DENND2A: variants seen among roughly 807,000 people sequenced by gnomAD.
DENND2A encodes the protein DENN domain-containing protein 2A.
A neutral mutation model predicts 105.3 loss-of-function variants in DENND2A; 53 were observed. That is an observed-to-expected ratio of 0.50 (90% CI 0.40 to 0.63). The LOEUF (loss-of-function observed/expected upper bound fraction) is 0.63, where lower values mean the gene tolerates loss of function less well. Among genes scored for constraint, DENND2A ranks in the 30% least tolerant of loss-of-function variants. The pLI is 0.00. For missense variants in DENND2A, 1,138 were observed against 1,279.6 expected (o/e 0.89, Z 1.69); for synonymous variants, 522 against 508.4 (o/e 1.03, Z -0.36).
At chr7:140,560,280 T>G (rs1797561474) in intron 9 of DENND2A, among the ~76,000 whole-genome samples, 1 of 152,128 alleles carries the variant, frequency 6.6e-6, no homozygotes, top group Admixed American at 6.6e-5. Context: ...GAAATTCAAC[T>G]AATTTCAGAC....
chr7:140,638,750 C>T (rs1280763964), intron 1 of DENND2A, among the ~76,000 whole-genome samples: 3 of 152,206 alleles, frequency 2.0e-5, no homozygotes, highest in Non-Finnish European at 4.4e-5. Context: ...AACAACCTTC[C>T]CTGCTGTTTC....
chr7:140,543,241 C>T (rs1796748641), intron 14 of DENND2A, among the ~76,000 whole-genome samples: 1 of 151,076 alleles, frequency 6.6e-6, no homozygotes, highest in Non-Finnish European at 1.5e-5. Flanking sequence ...ACCTCAGCTT[C>T]CCTAGTAGCA....
intron 9 of DENND2A, among the ~76,000 whole-genome samples, chr7:140,560,370 C>T (rs547522091): frequency 5.3e-4 from 81 of 152,192 alleles, no homozygotes; most frequent in African/African-American, 1.9e-3. Context: ...GGAAATAAGC[C>T]CCGAGGTGTG....
chr7:140,629,533 G>A (rs546617202), intron 1 of DENND2A, among the ~76,000 whole-genome samples: 3 of 152,306 alleles, frequency 2.0e-5, no homozygotes, highest in East Asian at 3.9e-4. Flanking sequence ...TAGATGTTGG[G>A]ATGTTCTGAA....
rs1220751488 is a variant in DENND2A at position 140,527,259 on chromosome 7, C to T, written c.2505+59G>A. On this transcript the variant is annotated intron_variant, in intron 15 of 19. Transcript: ENST00000496613. The surrounding 1 kb of genome is among the most constrained non-coding windows in gnomAD (Gnocchi z 4.9). ...CGCTCCATGATGCCTGCAGAGCCAG[C>T]GCCCCGCTCTGTTCTCCGCACCCTG... The T allele has an allele frequency of 4.8e-6, 7 of 1,464,128 alleles. No homozygotes were observed. Among genetic ancestry groups the T allele is most frequent in the Admixed American group, 2.3e-5 (1 of 43,294 alleles). The allele number at this position is 1,464,128 out of a possible 1,614,324, so 90.7% of individuals were successfully genotyped here.
At chr7:140,599,182 C>T (rs960449708) in intron 3 of DENND2A, among the ~76,000 whole-genome samples, 10 of 151,876 alleles carry the variant, frequency 6.6e-5, no homozygotes, top group African/African-American at 2.4e-4. Flanking sequence ...ACTAAAAATA[C>T]AAAAAATTAG....
rs142592854 is a variant in DENND2A, at chr7:140,559,925, C to G, written c.1780-108G>C. 1.2e-6 allele frequency: 1 copy of G among 813,998 alleles called. No homozygotes were observed. Among genetic ancestry groups the G allele is most frequent in the Non-Finnish European group, 2.1e-6 (1 of 480,026 alleles). 50.4% of individuals were successfully genotyped at this position (813,998 alleles called of 1,614,324 possible). On this transcript the variant is annotated intron_variant, in intron 9 of 19. Transcript: ENST00000496613. This position sits in a 1 kb window ranked among gnomAD's most constrained non-coding sequence, Gnocchi z 4.1. ...CCCACCTTTCCACATTTGTGACTGC[C>G]GCCTTAGCCTCTTCCCTTGGGAAGA...
chr7:140,632,183 C>A (rs190377661), intron 1 of DENND2A, among the ~76,000 whole-genome samples: 3 of 152,282 alleles, frequency 2.0e-5, no homozygotes, highest in Admixed American at 1.3e-4. Flanking sequence ...TGTTTTAATG[C>A]TTCAAAGTTT....
chr7:140,556,497 C>T (rs1797368578), intron 11 of DENND2A, among the ~76,000 whole-genome samples: 1 of 151,604 alleles, frequency 6.6e-6, no homozygotes, highest in Admixed American at 6.6e-5. Context: ...TGCCACCACG[C>T]CCAGCTATTT....
chr7:140,531,883 G>A (rs1303172811), intron 14 of DENND2A, among the ~76,000 whole-genome samples: 1 of 151,586 alleles, frequency 6.6e-6, no homozygotes, highest in African/African-American at 2.4e-5. Context: ...CGGGTGGGAA[G>A]GCATACCCTG....
chr7:140,602,286 T>C lies in DENND2A; in HGVS notation c.112A>G (p.Arg38Gly). 6.2e-7 allele frequency: 1 copy of C among 1,610,512 alleles called. No individual in the cohort carries two copies. The highest frequency in any genetic ancestry group is 8.5e-7 in the Non-Finnish European group (1 of 1,180,014). The stretch of plus-strand genomic sequence containing the variant: ...ATGTTGAGGGACTTGTGCCGGGGTC[T>C]GGCTCTGGCAGATGGGCAAGGGTTC... ...VQNPCPSARARPRHKSLNIKD... is the reference protein window; with the variant it reads ...VQNPCPSARAGPRHKSLNIKD... The change falls in exon 3 of 20, where the codon AGA (arginine) becomes GGA (glycine). Residue 38 changes from arginine to glycine, a missense_variant. Around this residue, in one of 2 missense-constraint regions of DENND2A, gnomAD observed 511 missense variants for 499.9 expected, o/e 1.02. Coordinates refer to ENST00000496613, the MANE Select transcript of DENND2A (RefSeq NM_015689.5).
Position 140,527,344 on chromosome 7 carries a change from G to A in DENND2A, c.2479C>T (p.Leu827=), listed in dbSNP as rs371061412. 565 of 1,595,608 alleles carry A rather than the reference G, an allele frequency of 3.5e-4. 1 individual carries two copies. The African/African-American group carries it at 6.5e-3, about 18-fold the overall frequency. The change falls in exon 15 of 20, where the codon CTG becomes TTG. Residue 827 remains leucine, a synonymous_variant. Coordinates refer to ENST00000496613, the MANE Select transcript of DENND2A (RefSeq NM_015689.5). The surrounding 1 kb of genome is among the most constrained non-coding windows in gnomAD (Gnocchi z 4.9). The part of the protein sequence containing the change: ...LIGLLSSSLP[L]LRELPLEEVL... Reference sequence around the variant, plus strand: ...TCTTCCAGCGGCAGCTCCCTGAGCAGTGGCAGCGAGCTGGAGAGCAGCCCG... The same window carrying A: ...TCTTCCAGCGGCAGCTCCCTGAGCAATGGCAGCGAGCTGGAGAGCAGCCCG...
chr7:140,548,288 TA>T (rs1796985516), intron 12 of DENND2A, among the ~76,000 whole-genome samples: 1 of 107,310 alleles, frequency 9.3e-6, no homozygotes, highest in East Asian at 5.1e-4. Flanking sequence ...AAGCTACTAC[TA>T]AAAAACTAAA....
At chr7:140,596,006 G>A (rs117900988) in intron 3 of DENND2A, among the ~76,000 whole-genome samples, 69 of 152,214 alleles carry the variant, frequency 4.5e-4, no homozygotes, top group Non-Finnish European at 9.0e-4. Context: ...GGAGACTTCC[G>A]TTAGCTCTCA....
chr7:140,531,021 C>T (rs990193529), intron 14 of DENND2A, among the ~76,000 whole-genome samples: 5 of 152,224 alleles, frequency 3.3e-5, no homozygotes, highest in African/African-American at 4.8e-5. Context: ...CGTGAGCCAC[C>T]ACATCCGGCC....
chr7:140,638,875 G>A (rs1213635646), intron 1 of DENND2A, among the ~76,000 whole-genome samples: 1 of 152,210 alleles, frequency 6.6e-6, no homozygotes, highest in Admixed American at 6.5e-5. Flanking sequence ...CTCACAGCCA[G>A]GCTGGGCAGG....
At chr7:140,620,483 C>T (rs1426540392) in intron 1 of DENND2A, among the ~76,000 whole-genome samples, 3 of 151,898 alleles carry the variant, frequency 2.0e-5, no homozygotes, top group African/African-American at 7.3e-5. Flanking sequence ...CATTCTCTGA[C>T]ATCTATATTT....
chr7:140,594,169 A>C (rs1799184997), intron 3 of DENND2A, among the ~76,000 whole-genome samples: 1 of 152,048 alleles, frequency 6.6e-6, no homozygotes, highest in African/African-American at 2.4e-5. Flanking sequence ...CAGACTCCCA[A>C]AATGTTGGGA....
intron 12 of DENND2A, among the ~76,000 whole-genome samples, chr7:140,550,858 G>T (rs1485207139): frequency 6.6e-6 from 1 of 152,130 alleles, no homozygotes; most frequent in Non-Finnish European, 1.5e-5. Flanking sequence ...GCACCGAACT[G>T]TTAAAATGGT....
Sources: gnomAD v4.1 joint callset for allele counts (sites outside exome capture counted in the v4.1 genomes callset) on GRCh38, gnomAD v4.1.1 for gene constraint, gnomAD v4.1.1 regional missense constraint, Gnocchi (gnomAD v3.1) non-coding constraint, MANE v1.5 for transcripts, NCBI Gene and HGNC (gene_info 2026-07-23, HGNC 2026-07-21) for gene names.